Variants in CBR4 observed in about 807,000 individuals in gnomAD.
CBR4 encodes 3-oxoacyl-[acyl-carrier-protein] reductase.
In CBR4, 22 loss-of-function variants were observed where a neutral mutation model predicts 21.0. That is an observed-to-expected ratio of 1.05 (90% confidence interval 0.75 to 1.50). The LOEUF is 1.50. Among genes scored for constraint, CBR4 ranks in the 40% most tolerant of loss-of-function variants. The probability of loss-of-function intolerance (pLI) is 0.00; values close to 1 mark genes in which losing one functional copy is unlikely to be tolerated. For synonymous variants in CBR4, 100 were observed against 104.4 expected, an observed-to-expected ratio of 0.96 and a Z score of 0.26; for missense variants, 302 against 286.3, an observed-to-expected ratio of 1.05 and a Z score of -0.40.
intron 2 of CBR4, among the ~76,000 whole-genome samples, chr4:168,934,288 A>AC (rs1763048172): frequency 1.3e-5 from 2 of 148,180 alleles, no homozygotes; most frequent in Non-Finnish European, 3.0e-5. Context: ...AAAACAAAAA[A>AC]AAAAAAAAAA....
chr4:168,901,161 C>T (rs1756429953), intron 2 of CBR4, among the ~76,000 whole-genome samples: 1 of 152,158 alleles, frequency 6.6e-6, no homozygotes, highest in Non-Finnish European at 1.5e-5. Context: ...TCTTCCCTCT[C>T]TCATTTATTA....
At chr4:168,898,769 T>C in intron 2 of CBR4, 1 of 1,114,112 alleles carries the variant, frequency 9.0e-7, no homozygotes, top group Non-Finnish European at 1.4e-6. Flanking sequence ...AAGGTTTAGC[T>C]TCCAAAACAT....
intron 2 of CBR4, among the ~76,000 whole-genome samples, chr4:168,959,623 T>G (rs1186167998): frequency 1.4e-5 from 2 of 147,092 alleles, no homozygotes; most frequent in African/African-American, 5.1e-5. Flanking sequence ...TGGAATGCAG[T>G]GGCATGACCT....
Position 168,988,849 on chromosome 4 carries a change from G to A in CBR4, c.*1301C>T, listed in dbSNP as rs1253277337. ...TTTTGTTATTACTTTGTATTTATTAGTATATCCTATTCATAATTTTGCACT... is the reference window on the plus strand; with the variant it reads ...TTTTGTTATTACTTTGTATTTATTAATATATCCTATTCATAATTTTGCACT... On this transcript the variant is annotated 3_prime_UTR_variant, in exon 5 of 5. Transcript: ENST00000306193. The A allele has an allele frequency of 1.0e-6, 1 of 955,784 alleles. No homozygotes were observed. The highest frequency in any genetic ancestry group is 1.2e-6 in the Non-Finnish European group (1 of 803,172). The allele number at this position is 955,784 out of a possible 1,614,324, so 59.2% of individuals were successfully genotyped here.
rs1233750183 is a variant in CBR4, at chr4:168,903,784, A to C, written n.170-9019T>G. On this transcript the variant is annotated intron_variant and non_coding_transcript_variant, in intron 2 of 3. Coordinates refer to the CBR4 transcript ENST00000509108. ...CTATTGGTTTAAAGATGGGAAGCAG[A>C]TCTCTCCAAAGAGTGATCACTACAC... 6.2e-7 allele frequency: 1 copy of C among 1,613,028 alleles called. No individual in the cohort carries two copies. Among genetic ancestry groups the C allele is most frequent in the Non-Finnish European group, 8.5e-7 (1 of 1,179,034 alleles).
At chr4:168,903,907 G>A in intron 2 of CBR4, 1 of 1,613,616 alleles carries the variant, frequency 6.2e-7, no homozygotes, top group Non-Finnish European at 8.5e-7. Flanking sequence ...AAACCCTCAG[G>A]TAAAGAAGGG....
In CBR4 at chr4:168,988,962, T is replaced by C; in HGVS notation, c.*1188A>G. 1 of 983,330 alleles carries C rather than the reference T, an allele frequency of 1.0e-6. No individual in the cohort carries two copies. The highest frequency in any genetic ancestry group is 1.1e-4 in the East Asian group (1 of 8,802). The allele number at this position is 983,330 out of a possible 1,614,324, so 60.9% of individuals were successfully genotyped here. On this transcript the variant is annotated 3_prime_UTR_variant, in exon 5 of 5. Coordinates refer to ENST00000306193, the MANE Select transcript of CBR4 (RefSeq NM_032783.5). ...GAATGGAGTGACACTGAAAATATCA[T>C]ACTATTCCCGATAAAAAGAGTTTAA...
chr4:168,948,400 T>C (rs1460331747), intron 2 of CBR4, among the ~76,000 whole-genome samples: 3 of 152,226 alleles, frequency 2.0e-5, no homozygotes, highest in East Asian at 1.9e-4. Flanking sequence ...TTTGTTTTTA[T>C]TGCATTTGCT....
At chr4:168,894,736 T>G (rs1354566929) in exon 3 of CBR4, 22 of 1,578,198 alleles carry the variant, frequency 1.4e-5, no homozygotes, top group Admixed American at 7.2e-5. Context: ...TTTTCCATCT[T>G]CCTTATGGAT....
At chr4:168,894,919 TCTC>T (rs1286784691) in intron 2 of CBR4, among the ~76,000 whole-genome samples, 14 of 152,238 alleles carry the variant, frequency 9.2e-5, no homozygotes, top group African/African-American at 3.4e-4. Context: ...TCTTGATTAT[TCTC>T]CTTTCCAGTA....
rs189643537 is a variant in CBR4, at chr4:168,967,599, T to C, written n.169+34472A>G. 4.9e-3 allele frequency among the ~76,000 whole-genome samples: 745 copies of C among 152,250 alleles called. 7 individuals carry two copies. The highest frequency in any genetic ancestry group is 5.5e-3 in the Admixed American group (84 of 15,282). ...TCTCTGCTACCTAGGAAACAGGTCATTGAAAACAGAAATAAGCCAAAAGAA... is the reference window on the plus strand; with the variant it reads ...TCTCTGCTACCTAGGAAACAGGTCACTGAAAACAGAAATAAGCCAAAAGAA... On this transcript the variant is annotated intron_variant and non_coding_transcript_variant, in intron 2 of 3. Transcript: ENST00000509108.
chr4:169,007,854 C>A, intron 1 of CBR4, 98 bp from the exon 2 acceptor site: 1 of 802,020 alleles, frequency 1.2e-6, no homozygotes, highest in Non-Finnish European at 1.9e-6. Flanking sequence ...CAGGCCTGTG[C>A]TAATCTAGAA....
chr4:168,925,229 G>T, intron 2 of CBR4: 3 of 1,605,476 alleles, frequency 1.9e-6, no homozygotes, highest in Non-Finnish European at 2.6e-6. Context: ...CTTTCTATTT[G>T]TAGTTTCTCG....
At chr4:168,945,274 T>C (rs940217671) in intron 2 of CBR4, among the ~76,000 whole-genome samples, 2 of 152,172 alleles carry the variant, frequency 1.3e-5, no homozygotes, top group Admixed American at 6.5e-5. Flanking sequence ...CTTAGGAGGA[T>C]CAGGTATCTT....
chr4:168,931,116 A>G (rs1444107063), intron 2 of CBR4, among the ~76,000 whole-genome samples: 1 of 152,124 alleles, frequency 6.6e-6, no homozygotes, highest in Non-Finnish European at 1.5e-5. Flanking sequence ...ACCAACCATC[A>G]TTGCCTGAAC....
intron 2 of CBR4, among the ~76,000 whole-genome samples, chr4:168,911,471 A>G (rs1429438298): frequency 3.9e-5 from 6 of 152,182 alleles, no homozygotes; most frequent in Admixed American, 6.5e-5. Context: ...CATCAGGACA[A>G]TTGGAAGCTA....
At chr4:168,963,847 A>C (rs1300767648) in intron 2 of CBR4, among the ~76,000 whole-genome samples, 8 of 152,180 alleles carry the variant, frequency 5.3e-5, no homozygotes, top group Non-Finnish European at 1.0e-4. Flanking sequence ...AAGAAACAAA[A>C]AGCGCCTATG....
At chr4:168,900,053 G>T (rs1026081104) in intron 2 of CBR4, among the ~76,000 whole-genome samples, 2 of 152,184 alleles carry the variant, frequency 1.3e-5, no homozygotes, top group South Asian at 2.1e-4. Context: ...AGGCGAAAAA[G>T]GTGAATCACA....
At chr4:169,009,805 T>G (rs1218744902) in intron 1 of CBR4, 143 bp downstream of exon 1, 1 of 749,772 alleles carries the variant, frequency 1.3e-6, no homozygotes, top group East Asian at 2.9e-5. Flanking sequence ...CATTCTACCC[T>G]TGGAACGGGA....
Sources: gnomAD v4.1 joint callset for allele counts (sites outside exome capture counted in the v4.1 genomes callset) on GRCh38, gnomAD v4.1.1 for gene constraint, MANE v1.5 for transcripts, NCBI Gene and HGNC (gene_info 2026-07-23, HGNC 2026-07-21) for gene names.